PDZD2: variants seen among roughly 807,000 people sequenced by gnomAD.
The protein encoded by PDZD2 is PDZ domain containing 2.
Under a neutral mutation model 220.7 loss-of-function variants are expected in PDZD2, and 90 were observed. The ratio of observed to expected loss-of-function variants is 0.41; its 90% CI spans 0.34 to 0.49. The LOEUF is 0.49. Among genes scored for constraint, PDZD2 ranks in the 20% least tolerant of loss-of-function variants. The probability of loss-of-function intolerance (pLI) is 0.28; values close to 1 mark genes in which losing one functional copy is unlikely to be tolerated. For missense variants in PDZD2, 3,174 were observed against 3,608.5 expected (o/e 0.88, Z 3.08); for synonymous variants, 1,375 against 1,450.5 (o/e 0.95, Z 1.18).
At chr5:32,027,078 A>G (rs902606283) in intron 6 of PDZD2, among the ~76,000 whole-genome samples, 1 of 151,768 alleles carries the variant, frequency 6.6e-6, no homozygotes, top group Non-Finnish European at 1.5e-5. Context: ...GATTTTTTGT[A>G]CTTTTAGTAG....
chr5:32,075,080 G>A (rs564928724), intron 18 of PDZD2, among the ~76,000 whole-genome samples: 16 of 152,244 alleles, frequency 1.1e-4, no homozygotes, highest in Non-Finnish European at 2.1e-4. Flanking sequence ...CTGAAGTGCT[G>A]GGATTACAAG....
intron 2 of PDZD2, among the ~76,000 whole-genome samples, chr5:31,867,155 T>C (rs1324453716): frequency 6.6e-6 from 1 of 152,200 alleles, no homozygotes; most frequent in Non-Finnish European, 1.5e-5. Context: ...AAAAAGCTTC[T>C]CTGCTGCTCT....
chr5:31,689,353 A>ATTTTTTTTTCTTT (rs1747020019), intron 1 of PDZD2, among the ~76,000 whole-genome samples: 1 of 35,122 alleles, frequency 2.8e-5, no homozygotes, highest in Non-Finnish European at 4.2e-5. Context: ...ATATATATAT[A>ATTTTTTTTTCTTT]TTTTTTTTTT....
chr5:32,104,408 T>C (rs1316317124), intron 24 of PDZD2, among the ~76,000 whole-genome samples: 2 of 151,224 alleles, frequency 1.3e-5, no homozygotes, highest in African/African-American at 4.9e-5. Context: ...CAGGCTGGAG[T>C]GCAGTGTCAC....
chr5:31,746,349 T>C (rs1750604651), intron 1 of PDZD2, among the ~76,000 whole-genome samples: 1 of 152,158 alleles, frequency 6.6e-6, no homozygotes, highest in African/African-American at 2.4e-5. Context: ...CTGAATTATT[T>C]TGAGAAGATT....
At chr5:31,796,659 A>C (rs1754044977) in intron 1 of PDZD2, among the ~76,000 whole-genome samples, 2 of 152,114 alleles carry the variant, frequency 1.3e-5, no homozygotes, top group Admixed American at 1.3e-4. Flanking sequence ...GACCTATTAC[A>C]CACTAATTTC....
chr5:31,667,855 CTTTTTTTTTTTTTT>C (rs561833214), intron 1 of PDZD2, among the ~76,000 whole-genome samples: 7 of 77,980 alleles, frequency 9.0e-5, no homozygotes, highest in South Asian at 5.8e-4. Context: ...TTTTTTTTTC[CTTTTTTTTTTTTTT>C]TTTTTTTTTT....
intron 18 of PDZD2, among the ~76,000 whole-genome samples, chr5:32,076,219 G>A (rs1381325641): frequency 6.6e-6 from 1 of 151,126 alleles, no homozygotes; most frequent in African/African-American, 2.4e-5. Flanking sequence ...TCGGGAGGTG[G>A]TGGTTGCAGT....
At chr5:31,988,662 C>T (rs1258930467) in intron 3 of PDZD2, among the ~76,000 whole-genome samples, 2 of 152,164 alleles carry the variant, frequency 1.3e-5, no homozygotes, top group African/African-American at 2.4e-5. Context: ...CATGGCCTGT[C>T]CTTTCTGGTA....
chr5:31,685,890 A>G (rs1172151686), intron 1 of PDZD2, among the ~76,000 whole-genome samples: 1 of 152,128 alleles, frequency 6.6e-6, no homozygotes, highest in Admixed American at 6.5e-5. Context: ...TATTTATGAA[A>G]GATGAAGACT....
chr5:31,671,676 G>A (rs1746221103), intron 1 of PDZD2, among the ~76,000 whole-genome samples: 1 of 152,148 alleles, frequency 6.6e-6, no homozygotes, highest in African/African-American at 2.4e-5. Context: ...GTTTCCTGAT[G>A]ACTATCCAAG....
Position 32,090,952 on chromosome 5 carries a change from T to G in PDZD2, c.7504T>G (p.Ser2502Ala). 6.2e-7 allele frequency: 1 copy of G among 1,613,926 alleles called. No homozygotes were observed. The highest frequency in any genetic ancestry group is 8.5e-7 in the Non-Finnish European group (1 of 1,179,996). Reference sequence around the variant, plus strand: ...TGACAAGCTCTGCAGCGAGGATTACTCAGCAGGGCCGAGCGCCGTGCTCTT... The same window carrying G: ...TGACAAGCTCTGCAGCGAGGATTACGCAGCAGGGCCGAGCGCCGTGCTCTT... The part of the protein sequence containing the change: ...DLDKLCSEDY[S>A]AGPSAVLFKT... The change falls in exon 20 of 25, where the codon TCA (serine) becomes GCA (alanine). Residue 2502 changes from serine to alanine, a missense_variant. Around this residue, in one of 4 missense-constraint regions of PDZD2, gnomAD observed 631 missense variants for 789.9 expected, o/e 0.80. Transcript: ENST00000438447. This position sits in a 1 kb window ranked among gnomAD's most constrained non-coding sequence, Gnocchi z 4.3.
Position 32,077,470 on chromosome 5 carries a change from G to T in PDZD2, c.3546G>T (p.Leu1182=). ...QPGGAVEKES[L]GKLTTGDACV... is the part of the protein sequence containing the mutation. ...GGTTGTCATTGTGCCAGGAATCTCT[G>T]GGAAAGCTGACCACTGGAGATGCTT... Residue 1182 remains leucine (L), a synonymous_variant, in exon 19 of 25, where the codon CTG becomes CTT. Coordinates refer to ENST00000438447, the MANE Select transcript of PDZD2 (RefSeq NM_178140.4). The T allele has an allele frequency of 6.2e-7, 1 of 1,613,854 alleles. No homozygotes were observed.
At chr5:31,713,810 G>A (rs1483246708) in intron 1 of PDZD2, among the ~76,000 whole-genome samples, 5 of 152,178 alleles carry the variant, frequency 3.3e-5, no homozygotes, top group Admixed American at 3.3e-4. Flanking sequence ...GCCTCCCAAA[G>A]CGCTGGGATT....
chr5:31,652,467 T>C (rs914905108), intron 1 of PDZD2, among the ~76,000 whole-genome samples: 9 of 152,220 alleles, frequency 5.9e-5, no homozygotes, highest in African/African-American at 1.9e-4. Flanking sequence ...AGTATTATCT[T>C]CTCAACATGA....
At chr5:32,041,689 G>C (rs1343962569) in intron 7 of PDZD2, among the ~76,000 whole-genome samples, 1 of 151,898 alleles carries the variant, frequency 6.6e-6, no homozygotes, top group Non-Finnish European at 1.5e-5. Flanking sequence ...CAAGTACCCA[G>C]GGACACAAAC....
chr5:32,070,991 C>T (rs150746380), intron 15 of PDZD2, among the ~76,000 whole-genome samples: 2 of 152,278 alleles, frequency 1.3e-5, no homozygotes, highest in African/African-American at 4.8e-5. Flanking sequence ...TATCCAGCTC[C>T]GTGGGGTCAG....
At chr5:32,101,608 C>G (rs1744265003) in intron 24 of PDZD2, among the ~76,000 whole-genome samples, 1 of 152,188 alleles carries the variant, frequency 6.6e-6, no homozygotes, top group Non-Finnish European at 1.5e-5. Context: ...ACACACCACA[C>G]TAAGTAACAT....
intron 23 of PDZD2, chr5:32,100,712 C>T (rs563961135): frequency 1.9e-4 from 75 of 394,824 alleles, no homozygotes; most frequent in African/African-American, 1.4e-3. Flanking sequence ...CCATTAGCAG[C>T]CAGGGTTGGC....
Sources: allele counts gnomAD v4.1 joint callset (sites outside exome capture counted in the v4.1 genomes callset), GRCh38; gene constraint gnomAD v4.1.1; regional missense constraint gnomAD v4.1.1; non-coding constraint Gnocchi (gnomAD v3.1); transcripts MANE v1.5; gene names NCBI Gene and HGNC (gene_info 2026-07-23, HGNC 2026-07-21).